C11orf65: variants seen among roughly 807,000 people sequenced by gnomAD.
The protein encoded by C11orf65 is protein MFI.
C11orf65 carries 38 observed loss-of-function variants against 35.3 expected under a neutral mutation model. The ratio of observed to expected loss-of-function variants is 1.08; its 90% CI spans 0.83 to 1.41. The LOEUF is 1.41. Among genes scored for constraint, C11orf65 ranks in the 40% most tolerant of loss-of-function variants. C11orf65 has a pLI of 0.00. For synonymous variants in C11orf65, 105 were observed against 114.4 expected, an observed-to-expected ratio of 0.92 and a Z score of 0.53; for missense variants, 370 against 367.1, an observed-to-expected ratio of 1.01 and a Z score of -0.06.
chr11:108,463,867 T>C (rs1364956707), intron 1 of C11orf65, among the ~76,000 whole-genome samples: 2 of 151,908 alleles, frequency 1.3e-5, no homozygotes, highest in African/African-American at 2.4e-5. Flanking sequence ...AATTTACAAA[T>C]AACTGTTAGC....
intron 2 of C11orf65, among the ~76,000 whole-genome samples, chr11:108,376,629 CAG>C (rs1288488959): frequency 1.4e-4 from 21 of 151,950 alleles, no homozygotes; most frequent in African/African-American, 4.6e-4. Flanking sequence ...TAACTAAAAT[CAG>C]AGCAGAACTG....
chr11:108,460,397 C>G (rs1472494560), intron 2 of C11orf65, among the ~76,000 whole-genome samples: 3 of 152,140 alleles, frequency 2.0e-5, no homozygotes, highest in Non-Finnish European at 4.4e-5. Flanking sequence ...TGGAATATTC[C>G]TTACACCTAT....
At chr11:108,396,500 T>C (rs549028430) in intron 6 of C11orf65, among the ~76,000 whole-genome samples, 1 of 152,234 alleles carries the variant, frequency 6.6e-6, no homozygotes, top group Admixed American at 6.5e-5. Flanking sequence ...ATAGTAATTG[T>C]TCAAATAATT....
Position 108,317,512 on chromosome 11 carries a change from C to G in C11orf65, c.641-8441G>C, listed in dbSNP as rs573290117. On this transcript the variant is annotated intron_variant, in intron 6 of 6. Transcript: ENST00000525729. ...AGGAATATGCAGTGGGACCATTGCA[C>G]TTCCGTCAGGTAAGAAATTTGACTT... The G allele has an allele frequency of 2.1e-5, 33 of 1,606,216 alleles. No individual in the cohort carries two copies. In the South Asian group the frequency reaches 2.8e-4, roughly 13 times the overall value.
intron 6 of C11orf65, chr11:108,321,564 C>T: frequency 8.0e-7 from 1 of 1,251,470 alleles, no homozygotes; most frequent in South Asian, 1.2e-5. Context: ...GGGTGGATCA[C>T]TTGAGGTCAG....
chr11:108,427,292 C>G (rs11212624), intron 3 of C11orf65, among the ~76,000 whole-genome samples: 64,803 of 149,678 alleles, frequency 0.43, 14,242 homozygotes, highest in Middle Eastern at 0.66. Context: ...CTATCCATCT[C>G]ACAAAGGGCT....
chr11:108,313,680 G>T (rs2084365006), intron 6 of C11orf65, among the ~76,000 whole-genome samples: 1 of 152,158 alleles, frequency 6.6e-6, no homozygotes, highest in African/African-American at 2.4e-5. Context: ...TAAGCACTGT[G>T]CTAAGCATGG....
At chr11:108,417,404 C>T (rs567473151) in intron 3 of C11orf65, among the ~76,000 whole-genome samples, 6 of 151,982 alleles carry the variant, frequency 3.9e-5, no homozygotes, top group African/African-American at 1.4e-4. Context: ...ATTAGCCGGG[C>T]GTGGTGGCAC....
chr11:108,448,615 G>C (rs558492931), intron 2 of C11orf65, among the ~76,000 whole-genome samples: 2 of 152,244 alleles, frequency 1.3e-5, no homozygotes, highest in African/African-American at 4.8e-5. Context: ...CAATAATTTA[G>C]GTATTGATGG....
At chr11:108,316,201 T>C in intron 6 of C11orf65, 1 of 1,213,252 alleles carries the variant, frequency 8.2e-7, no homozygotes, top group Non-Finnish European at 1.2e-6. Flanking sequence ...CACAGCCAGA[T>C]AAACTCTAGA....
intron 2 of C11orf65, among the ~76,000 whole-genome samples, chr11:108,374,239 C>T (rs527919838): frequency 6.6e-6 from 1 of 152,198 alleles, no homozygotes; most frequent in African/African-American, 2.4e-5. Context: ...AGGCACCCCC[C>T]AGTGGGGCAG....
chr11:108,448,536 C>A (rs2093299656), intron 2 of C11orf65, among the ~76,000 whole-genome samples: 1 of 152,238 alleles, frequency 6.6e-6, no homozygotes. Context: ...ACAAAAAACA[C>A]ATGATTATCT....
chr11:108,363,066 A>G (rs2090978901), intron 2 of C11orf65, among the ~76,000 whole-genome samples: 2 of 152,188 alleles, frequency 1.3e-5, no homozygotes, highest in Non-Finnish European at 2.9e-5. Context: ...ATCTGTCCGA[A>G]TTTCCCCAAA....
chr11:108,346,760 A>C (rs979470909), intron 2 of C11orf65, among the ~76,000 whole-genome samples: 1 of 152,150 alleles, frequency 6.6e-6, no homozygotes. Context: ...CCATTAGTGC[A>C]TGTCATCATC....
intron 2 of C11orf65, among the ~76,000 whole-genome samples, chr11:108,437,395 T>C (rs1225133234): frequency 3.3e-5 from 5 of 152,216 alleles, no homozygotes; most frequent in Admixed American, 3.3e-4. Flanking sequence ...AAATGGTTTG[T>C]ATCTGGATAG....
Position 108,406,027 on chromosome 11 carries a change from C to T in C11orf65, c.430-468G>A, listed in dbSNP as rs530925568. Among the ~76,000 whole-genome samples, 11 of 152,244 alleles carry T rather than the reference C, an allele frequency of 7.2e-5. No individual in the cohort carries two copies. In the South Asian group the frequency reaches 2.3e-3, roughly 32 times the overall value. On this transcript the variant is annotated intron_variant, in intron 5 of 8. Transcript: ENST00000393084. The stretch of plus-strand genomic sequence containing the variant: ...TATTTTCCCCCTTCCAACTCATTCC[C>T]CCTGCTCTATCACACATACCCTAGA...
chr11:108,455,815 C>CAAAAAAAA (rs112701513), intron 2 of C11orf65, among the ~76,000 whole-genome samples: 3 of 56,188 alleles, frequency 5.3e-5, no homozygotes, highest in African/African-American at 2.1e-4. Context: ...GACTCCACCT[C>CAAAAAAAA]AAAAAAAAAA....
intron 2 of C11orf65, among the ~76,000 whole-genome samples, chr11:108,364,665 A>G (rs2091147244): frequency 6.6e-6 from 1 of 152,180 alleles, no homozygotes; most frequent in Admixed American, 6.5e-5. Context: ...GTGAGGTCCA[A>G]ATAGGCTTGC....
chr11:108,410,852 G>A (rs2092642580), intron 3 of C11orf65, among the ~76,000 whole-genome samples: 1 of 151,800 alleles, frequency 6.6e-6, no homozygotes, highest in Non-Finnish European at 1.5e-5. Flanking sequence ...GGGATTACAG[G>A]CACACGCAAC....
Sources: gnomAD v4.1 joint callset for allele counts (sites outside exome capture counted in the v4.1 genomes callset) on GRCh38, gnomAD v4.1.1 for gene constraint, MANE v1.5 for transcripts, NCBI Gene and HGNC (gene_info 2026-07-23, HGNC 2026-07-21) for gene names.